Variants in AGBL1 observed in about 807,000 individuals in gnomAD.
AGBL1 encodes the protein AGBL carboxypeptidase 1, also known as cytosolic carboxypeptidase 4.
AGBL1 carries 130 observed loss-of-function variants against 118.9 expected under a neutral mutation model. The observed-to-expected ratio is 1.09, with a 90% CI of 0.95 to 1.26. AGBL1 has a LOEUF of 1.26. Ranked by LOEUF, AGBL1 falls within the 50% of genes most tolerant of loss-of-function variation. The probability of loss-of-function intolerance (pLI) is 0.00; values close to 1 mark genes in which losing one functional copy is unlikely to be tolerated. For missense variants in AGBL1, 1,584 were observed against 1,298.1 expected (o/e 1.22, Z -3.38); for synonymous variants, 555 against 478.9 (o/e 1.16, Z -2.08).
chr15:86,524,617 G>C (rs574874634), intron 19 of AGBL1, among the ~76,000 whole-genome samples: 2 of 152,278 alleles, frequency 1.3e-5, no homozygotes, highest in East Asian at 3.9e-4. Flanking sequence ...CATCTCTCCA[G>C]AGGTCAAATT....
At chr15:87,008,053 G>A (rs896416425) in intron 24 of AGBL1, among the ~76,000 whole-genome samples, 13 of 152,194 alleles carry the variant, frequency 8.5e-5, no homozygotes, top group African/African-American at 3.1e-4. Context: ...TTAGTTTTAG[G>A]TGTCAACTTG....
rs1013829126 is a variant in AGBL1, at chr15:86,724,113, G to T, written c.3158+49677G>T. Among the ~76,000 whole-genome samples, 42 of 151,962 alleles carry T rather than the reference G, an allele frequency of 2.8e-4. 1 individual carries two copies. The highest frequency in any genetic ancestry group is 4.0e-4 in the Non-Finnish European group (27 of 67,996). ...TAGCCGGGTGCGGTGGCGGGCGCCT[G>T]TAGTCCCAGCTACTTGGGAGGCTGA... is the stretch of plus-strand genomic sequence containing the variant. On this transcript the variant is annotated intron_variant, in intron 22 of 22. Coordinates refer to ENST00000614907, the MANE Select transcript of AGBL1 (RefSeq NM_001386094.1).
intron 18 of AGBL1, among the ~76,000 whole-genome samples, chr15:86,403,855 T>A (rs1461927251): frequency 1.3e-5 from 2 of 152,152 alleles, no homozygotes; most frequent in East Asian, 1.9e-4. Context: ...GGCAGATTCT[T>A]GTATATTATT....
intron 5 of AGBL1, among the ~76,000 whole-genome samples, chr15:86,222,935 A>T (rs2078302300): frequency 6.6e-6 from 1 of 152,152 alleles, no homozygotes; most frequent in Non-Finnish European, 1.5e-5. Context: ...GTGCATATAA[A>T]TTATCTGTTA....
chr15:86,493,903 A>G (rs1299861781), intron 18 of AGBL1, among the ~76,000 whole-genome samples: 1 of 151,804 alleles, frequency 6.6e-6, no homozygotes, highest in Non-Finnish European at 1.5e-5. Flanking sequence ...GTTTAGCTTC[A>G]TATCAGTGCA....
rs2080351468 is a variant in AGBL1 at position 86,911,521 on chromosome 15, AG to A, written c.*4229del. ...TGGCCCCAATCTCCTTGACAGCCTC[AG>A]GTTCTGACATTCTTTGTTCTCTTTG... On this transcript the variant is annotated 3_prime_UTR_variant, in exon 23 of 23. Coordinates refer to ENST00000614907, the MANE Select transcript of AGBL1 (RefSeq NM_001386094.1). 6.6e-6 allele frequency: 1 copy of A among 152,168 alleles called. No individual in the cohort carries two copies. Among genetic ancestry groups the A allele is most frequent in the African/African-American group, 2.4e-5 (1 of 41,414 alleles). The allele number at this position is 152,168 out of a possible 1,614,324, so 9.4% of individuals were successfully genotyped here.
At chr15:86,334,257 T>C (rs770462346) in intron 17 of AGBL1, among the ~76,000 whole-genome samples, 2 of 152,172 alleles carry the variant, frequency 1.3e-5, no homozygotes, top group East Asian at 1.9e-4. Context: ...TTTGATTCTA[T>C]ACCTAGAGAA....
At chr15:86,294,021 T>C (rs1026002763) in intron 16 of AGBL1, among the ~76,000 whole-genome samples, 1 of 152,084 alleles carries the variant, frequency 6.6e-6, no homozygotes, top group Non-Finnish European at 1.5e-5. Context: ...GGGGATGCAG[T>C]GCAGGTGGGG....
chr15:87,002,036 G>A (rs1463789215), intron 24 of AGBL1, among the ~76,000 whole-genome samples: 2 of 152,004 alleles, frequency 1.3e-5, no homozygotes, highest in Admixed American at 6.6e-5. Context: ...TGGTGTTTTA[G>A]GCATGAAGTC....
intron 23 of AGBL1, among the ~76,000 whole-genome samples, chr15:86,922,095 T>C (rs549402680): frequency 7.2e-5 from 11 of 152,298 alleles, no homozygotes; most frequent in East Asian, 1.9e-4. Context: ...GATGAAGATA[T>C]ATCCTTAAAG....
chr15:86,903,689 G>C (rs1413978070), intron 22 of AGBL1, among the ~76,000 whole-genome samples: 1 of 152,164 alleles, frequency 6.6e-6, no homozygotes, highest in African/African-American at 2.4e-5. Context: ...GTCAGGTGTT[G>C]GGTGGAAGTC....
At chr15:86,547,263 C>T (rs967323735) in intron 20 of AGBL1, among the ~76,000 whole-genome samples, 1 of 151,996 alleles carries the variant, frequency 6.6e-6, no homozygotes, top group African/African-American at 2.4e-5. Flanking sequence ...TCCTGTGGAC[C>T]CAACCCATAT....
chr15:86,661,111 C>T (rs763504864), intron 21 of AGBL1, among the ~76,000 whole-genome samples: 27 of 152,164 alleles, frequency 1.8e-4, no homozygotes, highest in Admixed American at 1.2e-3. Context: ...TAAGTATACA[C>T]GTCCCAAAGT....
At chr15:87,002,050 G>T (rs2081444873) in intron 24 of AGBL1, among the ~76,000 whole-genome samples, 1 of 152,002 alleles carries the variant, frequency 6.6e-6, no homozygotes, top group African/African-American at 2.4e-5. Context: ...TGAAGTCCTT[G>T]CCCATGCCTA....
chr15:86,980,885 CTTTT>C (rs36077192), intron 23 of AGBL1, among the ~76,000 whole-genome samples: 1 of 118,982 alleles, frequency 8.4e-6, no homozygotes, highest in Non-Finnish European at 1.7e-5. Flanking sequence ...CAGAAACATC[CTTTT>C]TTTTTTTTTT....
intron 21 of AGBL1, among the ~76,000 whole-genome samples, chr15:86,641,910 A>T (rs971560593): frequency 5.9e-5 from 9 of 152,172 alleles, no homozygotes; most frequent in Admixed American, 2.6e-4. Flanking sequence ...GCTTTAGGCT[A>T]GGGCTTGGGT....
intron 6 of AGBL1, among the ~76,000 whole-genome samples, chr15:86,228,612 G>A (rs996642560): frequency 6.6e-6 from 1 of 152,178 alleles, no homozygotes; most frequent in Non-Finnish European, 1.5e-5. Context: ...AGGAAAAGCA[G>A]AAGTGAGGGA....
In AGBL1 at chr15:86,765,641, G is replaced by A. The variant is rs183781945; in HGVS notation, c.3158+91205G>A. On this transcript the variant is annotated intron_variant, in intron 22 of 22. Coordinates refer to ENST00000614907, the MANE Select transcript of AGBL1 (RefSeq NM_001386094.1). ...TGACAAAAAAATTCCAAGTACAGGCGAAAGTCTCAGTGTTCTGTTGAAGTA... is the reference window on the plus strand; with the variant it reads ...TGACAAAAAAATTCCAAGTACAGGCAAAAGTCTCAGTGTTCTGTTGAAGTA... 1.4e-3 allele frequency among the ~76,000 whole-genome samples: 217 copies of A among 152,068 alleles called. 6 individuals are homozygous for A. In the South Asian group the frequency reaches 0.04, roughly 28 times the overall value.
At chr15:86,755,923 A>G (rs571560707) in intron 22 of AGBL1, among the ~76,000 whole-genome samples, 1 of 152,126 alleles carries the variant, frequency 6.6e-6, no homozygotes, top group African/African-American at 2.4e-5. Context: ...TGTTTCCCCA[A>G]GAGCTGGTTC....
Sources: allele counts gnomAD v4.1 joint callset (sites outside exome capture counted in the v4.1 genomes callset), GRCh38; gene constraint gnomAD v4.1.1; transcripts MANE v1.5; gene names NCBI Gene and HGNC (gene_info 2026-07-23, HGNC 2026-07-21).